Variants in TOX3 observed in about 807,000 individuals in gnomAD.
The protein encoded by TOX3 is TOX high mobility group box family member 3, also known as CAG trinucleotide repeat-containing gene F9 protein.
In TOX3, 22 loss-of-function variants were observed where a neutral mutation model predicts 64.3. The ratio of observed to expected loss-of-function variants is 0.34; its 90% CI spans 0.24 to 0.49. The LOEUF is 0.49. TOX3 is among the 20% of genes least tolerant of loss of function. The pLI is 0.99. For synonymous variants in TOX3, 291 were observed against 273.6 expected (o/e 1.06, Z -0.63); for missense variants, 661 against 714.4 (o/e 0.93, Z 0.85).
intron 1 of TOX3, among the ~76,000 whole-genome samples, chr16:52,497,192 C>T (rs999847309): frequency 6.6e-6 from 1 of 152,204 alleles, no homozygotes; most frequent in Non-Finnish European, 1.5e-5. Context: ...CTCACAAACA[C>T]CAGCCCAGTG....
At chr16:52,542,966 C>T (rs1567358855) in intron 1 of TOX3, among the ~76,000 whole-genome samples, 1 of 152,114 alleles carries the variant, frequency 6.6e-6, no homozygotes. Context: ...ATAAATAATA[C>T]ACATAATAAT....
intron 1 of TOX3, among the ~76,000 whole-genome samples, chr16:52,512,026 A>G (rs952679947): frequency 4.6e-5 from 7 of 152,174 alleles, no homozygotes; most frequent in African/African-American, 1.7e-4. Context: ...CAACTTTAAG[A>G]ATGATCAATC....
rs369028802 is a variant in TOX3 at position 52,450,483 on chromosome 16, C to T, written c.472G>A (p.Val158Ile). 1.2e-5 allele frequency: 20 copies of T among 1,613,976 alleles called. No individual in the cohort carries two copies. Among genetic ancestry groups the T allele is most frequent in the Middle Eastern group, 1.7e-4 (1 of 6,058 alleles). Residue 158 changes from valine to isoleucine, a missense_variant, in exon 4 of 7, where the codon GTC becomes ATC. Val to Ile is a conservative substitution (Grantham distance 29, BLOSUM62 3). Coordinates refer to ENST00000219746, the MANE Select transcript of TOX3 (RefSeq NM_001080430.4). ...QDPSLIMRSI[V>I]HMTDAARSGV... ...GAACGCGCAGCATCGGTCATGTGGA[C>T]GATGGACCGCATGATCAGGGAGGGA...
chr16:52,510,654 G>A (rs966243743), intron 1 of TOX3, among the ~76,000 whole-genome samples: 2 of 151,282 alleles, frequency 1.3e-5, no homozygotes, highest in African/African-American at 2.4e-5. Flanking sequence ...TGCTTGGGGC[G>A]CTGAGGCAGG....
chr16:52,540,960 G>A (rs529200492), intron 1 of TOX3, among the ~76,000 whole-genome samples: 1 of 152,250 alleles, frequency 6.6e-6, no homozygotes, highest in East Asian at 1.9e-4. Flanking sequence ...CATTTGTTGA[G>A]TTTTCTGTTC....
chr16:52,474,627 A>C (rs1347244960), intron 1 of TOX3, among the ~76,000 whole-genome samples: 1 of 151,914 alleles, frequency 6.6e-6, no homozygotes, highest in East Asian at 1.9e-4. Context: ...AAAAAAAAAA[A>C]GAAGAAAGAG....
intron 1 of TOX3, among the ~76,000 whole-genome samples, chr16:52,529,710 C>T (rs1962809004): frequency 1.3e-5 from 2 of 152,106 alleles, no homozygotes; most frequent in Admixed American, 1.3e-4. Context: ...AAGATTAATG[C>T]CCAGTAAGAT....
At chr16:52,444,462 T>A in intron 5 of TOX3, 106 bp from the exon 6 acceptor site, 1 of 892,190 alleles carries the variant, frequency 1.1e-6, no homozygotes, top group Non-Finnish European at 1.7e-6. Flanking sequence ...ATAAAAAGGT[T>A]GGTCTCCTTG....
At chr16:52,450,204 G>A in intron 4 of TOX3, 73 bp downstream of exon 4, 1 of 1,552,764 alleles carries the variant, frequency 6.4e-7, no homozygotes, top group Admixed American at 1.7e-5. Context: ...ATAACACCAT[G>A]AATGAAATTC....
intron 3 of TOX3, among the ~76,000 whole-genome samples, chr16:52,457,399 T>C (rs911890384): frequency 9.9e-5 from 15 of 152,204 alleles, no homozygotes; most frequent in African/African-American, 3.4e-4. Context: ...CTTCTATCTA[T>C]ACTTACACAG....
In TOX3 at chr16:52,546,906, G is replaced by T; in HGVS notation, c.-183C>A. 1 of 1,102,670 alleles carries T rather than the reference G, an allele frequency of 9.1e-7. No homozygotes were observed. The highest frequency in any genetic ancestry group is 1.1e-6 in the Non-Finnish European group (1 of 906,040). 68.3% of individuals were successfully genotyped at this position (1,102,670 alleles called of 1,614,324 possible). ...GGAGCCGCGGCCGCCGCACACAAAGGCGCGGCCACGCGAGCCGCGGGAGAG... is the reference window on the plus strand; with the variant it reads ...GGAGCCGCGGCCGCCGCACACAAAGTCGCGGCCACGCGAGCCGCGGGAGAG... On this transcript the variant is annotated 5_prime_UTR_variant, in exon 1 of 7. Transcript: ENST00000219746.
At chr16:52,506,548 G>A (rs1962167307) in intron 1 of TOX3, among the ~76,000 whole-genome samples, 1 of 152,038 alleles carries the variant, frequency 6.6e-6, no homozygotes, top group African/African-American at 2.4e-5. Context: ...TTTAAAGAAG[G>A]GGGGTTTCTA....
At chr16:52,545,475 C>G (rs980383294) in intron 1 of TOX3, among the ~76,000 whole-genome samples, 2 of 152,212 alleles carry the variant, frequency 1.3e-5, no homozygotes, top group African/African-American at 2.4e-5. Context: ...GCACAGCAAA[C>G]TGTTCCTCAC....
chr16:52,446,500 T>C (rs1216791603), intron 4 of TOX3, among the ~76,000 whole-genome samples: 1 of 152,222 alleles, frequency 6.6e-6, no homozygotes, highest in Non-Finnish European at 1.5e-5. Context: ...GAACACTCTG[T>C]ACCAGGCAAT....
intron 2 of TOX3, among the ~76,000 whole-genome samples, chr16:52,467,545 C>A (rs2151758450): frequency 6.6e-6 from 1 of 152,248 alleles, no homozygotes; most frequent in East Asian, 1.9e-4. Flanking sequence ...TCTCTGGGGT[C>A]AAGCTAGTTC....
intron 1 of TOX3, among the ~76,000 whole-genome samples, chr16:52,513,637 C>G (rs1359178899): frequency 1.3e-5 from 2 of 152,150 alleles, no homozygotes; most frequent in Admixed American, 1.3e-4. Flanking sequence ...GTTGCTCCCC[C>G]TTGAGATCTA....
chr16:52,504,013 G>A (rs1180684831), intron 1 of TOX3, among the ~76,000 whole-genome samples: 2 of 152,128 alleles, frequency 1.3e-5, no homozygotes, highest in Non-Finnish European at 2.9e-5. Flanking sequence ...AGCATGAGAT[G>A]AGATATTTAA....
chr16:52,485,246 G>GTGTGTGTATATATATATATA (rs1555484130), intron 1 of TOX3, among the ~76,000 whole-genome samples: 1 of 127,890 alleles, frequency 7.8e-6, no homozygotes, highest in African/African-American at 3.4e-5. Flanking sequence ...ATGTGTGTGT[G>GTGTGTGTATATATATATATA]TATATATATA....
intron 1 of TOX3, among the ~76,000 whole-genome samples, chr16:52,501,681 CA>C (rs1213262658): frequency 3.0e-3 from 418 of 140,670 alleles, no homozygotes; most frequent in Middle Eastern, 0.011. Context: ...AACAAACAAA[CA>C]AAAAAAAAAA....
Sources: gnomAD v4.1 joint callset for allele counts (sites outside exome capture counted in the v4.1 genomes callset) on GRCh38, gnomAD v4.1.1 for gene constraint, MANE v1.5 for transcripts, NCBI Gene and HGNC (gene_info 2026-07-23, HGNC 2026-07-21) for gene names.